Variants in HSPBP1 observed in about 807,000 individuals in gnomAD.
HSPBP1 encodes the protein hsp70-binding protein 1.
Under a neutral mutation model 41.7 loss-of-function variants are expected in HSPBP1, and 31 were observed. The ratio of observed to expected loss-of-function variants is 0.74; its 90% CI spans 0.56 to 1.00. HSPBP1 has a LOEUF of 1.00. HSPBP1 is among the 50% of genes least tolerant of loss of function. HSPBP1 has a pLI of 0.00. For missense variants in HSPBP1, 439 were observed against 487.9 expected (o/e 0.90, Z 0.94); for synonymous variants, 199 against 214.4 (o/e 0.93, Z 0.63).
intron 4 of HSPBP1, among the ~76,000 whole-genome samples, chr19:55,271,480 C>T (rs1157646399): frequency 6.6e-6 from 1 of 152,204 alleles, no homozygotes; most frequent in Non-Finnish European, 1.5e-5. Context: ...CCTTTGTGGC[C>T]GAGCTGCCCC....
chr19:55,274,366 A>AC, intron 4 of HSPBP1, 32 bp downstream of exon 4: 4 of 228,472 alleles, frequency 1.8e-5, no homozygotes, highest in Admixed American at 7.7e-5. Flanking sequence ...CACCGCCAGC[A>AC]CCCCTGTCCC....
chr19:55,266,099 C>T, intron 5 of HSPBP1, 32 bp downstream of exon 5: 1 of 1,592,376 alleles, frequency 6.3e-7, no homozygotes, highest in Non-Finnish European at 8.6e-7. Context: ...CGTCTGCTCC[C>T]CACTCCTGCC....
chr19:55,266,487 C>T (rs878922296), intron 4 of HSPBP1, among the ~76,000 whole-genome samples: 3 of 107,034 alleles, frequency 2.8e-5, no homozygotes, highest in East Asian at 2.6e-4. Flanking sequence ...CTCACCACCA[C>T]CACCATCACT....
chr19:55,278,923 C>CCAAA (rs764250410), intron 2 of HSPBP1, among the ~76,000 whole-genome samples: 2 of 90,656 alleles, frequency 2.2e-5, no homozygotes, highest in Non-Finnish European at 4.4e-5. Context: ...CTGCCCCCAC[C>CCAAA]AAAAAAAAAA....
At position 55,272,079 on chromosome 19, in the gene HSPBP1, A is replaced by G. The variant is rs938425735; in HGVS notation, c.640+2319T>C. On this transcript the variant is annotated intron_variant, in intron 4 of 7. Coordinates refer to ENST00000433386, the MANE Select transcript of HSPBP1 (RefSeq NM_012267.5). The surrounding 1 kb of genome is among the most constrained non-coding windows in gnomAD (Gnocchi z 4.2). ...TCCGTCTCAAGAAACAAAAAAAGAA[A>G]AAAAAAAAAGCCAACCTCGAACAGA... Among the ~76,000 whole-genome samples the G allele has an allele frequency of 2.0e-5, 3 of 152,064 alleles. No homozygotes were observed. Among genetic ancestry groups the G allele is most frequent in the East Asian group, 1.9e-4 (1 of 5,174 alleles).
rs1004196635 is a variant in HSPBP1, at chr19:55,270,235, G to A, written c.641-3949C>T. Among the ~76,000 whole-genome samples, 2 of 152,140 alleles carry A rather than the reference G, an allele frequency of 1.3e-5. No homozygotes were observed. Among genetic ancestry groups the A allele is most frequent in the African/African-American group, 2.4e-5 (1 of 41,444 alleles). On this transcript the variant is annotated intron_variant, in intron 4 of 7. Coordinates refer to ENST00000433386, the MANE Select transcript of HSPBP1 (RefSeq NM_012267.5). The surrounding 1 kb of genome is among the most constrained non-coding windows in gnomAD (Gnocchi z 5.4). ...TTGCCCTGCATCGTGCACAACTTTC[G>A]CTGGGGAAGCCGACCACCACGTGGT...
chr19:55,270,317 C>G lies in HSPBP1; in HGVS notation c.641-4031G>C, dbSNP rs1174698252. On this transcript the variant is annotated intron_variant, in intron 4 of 7. Coordinates refer to ENST00000433386, the MANE Select transcript of HSPBP1 (RefSeq NM_012267.5). This position sits in a 1 kb window ranked among gnomAD's most constrained non-coding sequence, Gnocchi z 5.4. ...AACTGCCAGCAAAACTCTGCTAGCCCCGGGGCGAGCCATGGTGGAAGCCCA... is the reference window on the plus strand; with the variant it reads ...AACTGCCAGCAAAACTCTGCTAGCCGCGGGGCGAGCCATGGTGGAAGCCCA... 6.6e-6 allele frequency among the ~76,000 whole-genome samples: 1 copy of G among 152,194 alleles called. No individual in the cohort carries two copies. Among genetic ancestry groups the G allele is most frequent in the African/African-American group, 2.4e-5 (1 of 41,456 alleles).
intron 4 of HSPBP1, among the ~76,000 whole-genome samples, chr19:55,269,469 G>A (rs371290141): frequency 9.9e-5 from 15 of 152,110 alleles, no homozygotes; most frequent in African/African-American, 2.9e-4. Context: ...TATGGCTGCC[G>A]TCATTTTTGG....
chr19:55,269,809 T>C (rs2087874601), intron 4 of HSPBP1, among the ~76,000 whole-genome samples: 1 of 152,166 alleles, frequency 6.6e-6, no homozygotes, highest in Admixed American at 6.5e-5. Flanking sequence ...TCCAAACCCA[T>C]AGTACATACA....
chr19:55,263,371 T>A (rs2087694490), intron 7 of HSPBP1, among the ~76,000 whole-genome samples: 1 of 152,222 alleles, frequency 6.6e-6, no homozygotes, highest in Non-Finnish European at 1.5e-5. Flanking sequence ...GGCACCCTCA[T>A]GACTGGAGTG....
At chr19:55,274,376 C>T in intron 4 of HSPBP1, 22 bp downstream of exon 4, 1 of 1,444,318 alleles carries the variant, frequency 6.9e-7, no homozygotes, top group Non-Finnish European at 9.3e-7. Flanking sequence ...ACCCCTGTCC[C>T]CAGCCCCACC....
rs764759600 is a variant in HSPBP1 at position 55,265,284 on chromosome 19, C to T, written c.999G>A (p.Glu333=). ...HRCQLLQQHE[E]YQEELEFCEK... is the part of the protein sequence containing the mutation. ...CCGTCCCCTCCCCATGTACCTGGTA[C>T]TCCTCATGCTGCTGCAGCAGCTGAC... Residue 333 remains glutamate (E), a synonymous_variant, in exon 7 of 8, where the codon GAG becomes GAA. Transcript: ENST00000433386. The T allele has an allele frequency of 6.2e-7, 1 of 1,608,150 alleles. No homozygotes were observed. Among genetic ancestry groups the T allele is most frequent in the East Asian group, 2.2e-5 (1 of 44,544 alleles).
At chr19:55,275,061 G>A (rs2088035498) in intron 3 of HSPBP1, among the ~76,000 whole-genome samples, 1 of 152,204 alleles carries the variant, frequency 6.6e-6, no homozygotes, top group African/African-American at 2.4e-5. Flanking sequence ...GGCCGGGAGA[G>A]CCAGGCCGGC....
At chr19:55,271,473 T>C (rs1027151808) in intron 4 of HSPBP1, among the ~76,000 whole-genome samples, 1 of 152,232 alleles carries the variant, frequency 6.6e-6, no homozygotes, top group African/African-American at 2.4e-5. Flanking sequence ...TCTCTGCCCT[T>C]TGTGGCCGAG....
Position 55,272,395 on chromosome 19 carries a change from C to T in HSPBP1, c.640+2003G>A, listed in dbSNP as rs748665940. Among the ~76,000 whole-genome samples, 11 of 152,152 alleles carry T rather than the reference C, an allele frequency of 7.2e-5. No individual in the cohort carries two copies. Among genetic ancestry groups the T allele is most frequent in the Non-Finnish European group, 1.5e-4 (10 of 68,034 alleles). ...AAGGAGCCAGGCAGAAAAGGCCTCA[C>T]GGTGTGGGATTCCGTTTGTACAAAT... is the stretch of plus-strand genomic sequence containing the variant. On this transcript the variant is annotated intron_variant, in intron 4 of 7. Coordinates refer to ENST00000433386, the MANE Select transcript of HSPBP1 (RefSeq NM_012267.5). The surrounding 1 kb of genome is among the most constrained non-coding windows in gnomAD (Gnocchi z 4.2).
In HSPBP1 at chr19:55,274,291, C is replaced by T. The variant is rs572891295; in HGVS notation, c.640+107G>A. On this transcript the variant is annotated intron_variant, in intron 4 of 7. Coordinates refer to ENST00000433386, the MANE Select transcript of HSPBP1 (RefSeq NM_012267.5). ...GGGGTCCAACAAGCATGGGAACAAA[C>T]GAGGGAAGGAGATGCCTCTCCCTCT... 1.8e-4 allele frequency: 191 copies of T among 1,059,002 alleles called. 1 individual carries two copies. Among genetic ancestry groups the T allele is most frequent in the African/African-American group, 3.1e-5 (2 of 63,866 alleles). The allele number at this position is 1,059,002 out of a possible 1,614,324, so 65.6% of individuals were successfully genotyped here.
In HSPBP1 at chr19:55,272,065, A is replaced by G. The variant is rs2087936775; in HGVS notation, c.640+2333T>C. Reference sequence around the variant, plus strand: ...CCACAGAGCGAGACTCCGTCTCAAGAAACAAAAAAAGAAAAAAAAAAAAGC... The same window carrying G: ...CCACAGAGCGAGACTCCGTCTCAAGGAACAAAAAAAGAAAAAAAAAAAAGC... On this transcript the variant is annotated intron_variant, in intron 4 of 7. Coordinates refer to ENST00000433386, the MANE Select transcript of HSPBP1 (RefSeq NM_012267.5). This position sits in a 1 kb window ranked among gnomAD's most constrained non-coding sequence, Gnocchi z 4.2. 6.6e-6 allele frequency among the ~76,000 whole-genome samples: 1 copy of G among 152,008 alleles called. No homozygotes were observed. Among genetic ancestry groups the G allele is most frequent in the Non-Finnish European group, 1.5e-5 (1 of 67,962 alleles).
intron 2 of HSPBP1, among the ~76,000 whole-genome samples, chr19:55,279,120 G>A (rs1214186824): frequency 6.6e-6 from 1 of 152,100 alleles, no homozygotes; most frequent in East Asian, 1.9e-4. Flanking sequence ...TCAGAAAGAT[G>A]AAGTAATATA....
chr19:55,279,895 C>A (rs2088186864), intron 1 of HSPBP1, 140 bp downstream of exon 1: 2 of 571,764 alleles, frequency 3.5e-6, no homozygotes, highest in Admixed American at 3.1e-5. Flanking sequence ...CCCCCCTTCC[C>A]CATCTCCACT....
Sources: gnomAD v4.1 joint callset for allele counts (sites outside exome capture counted in the v4.1 genomes callset) on GRCh38, gnomAD v4.1.1 for gene constraint, Gnocchi (gnomAD v3.1) non-coding constraint, MANE v1.5 for transcripts, NCBI Gene and HGNC (gene_info 2026-07-23, HGNC 2026-07-21) for gene names.